Variants in NELL1 observed in about 807,000 individuals in gnomAD.
NELL1 encodes protein kinase C-binding protein NELL1.
NELL1 carries 76 observed loss-of-function variants against 107.4 expected under a neutral mutation model. The ratio of observed to expected loss-of-function variants is 0.71; its 90% CI spans 0.59 to 0.86. NELL1 has a LOEUF of 0.86. NELL1 is among the 40% of genes least tolerant of loss of function. The pLI is 0.00. For synonymous variants in NELL1, 353 were observed against 341.2 expected, an observed-to-expected ratio of 1.03 and a Z score of -0.38; for missense variants, 1,024 against 1,005.5, an observed-to-expected ratio of 1.02 and a Z score of -0.25.
At chr11:21,504,763 A>G (rs1378125023) in intron 15 of NELL1, among the ~76,000 whole-genome samples, 1 of 152,168 alleles carries the variant, frequency 6.6e-6, no homozygotes, top group Non-Finnish European at 1.5e-5. Flanking sequence ...AGCTCGAAGC[A>G]GAGAATTCGA....
At chr11:21,206,225 T>G (rs549315441) in intron 13 of NELL1, among the ~76,000 whole-genome samples, 1 of 152,270 alleles carries the variant, frequency 6.6e-6, no homozygotes, top group South Asian at 2.1e-4. Context: ...CTCTTCCACC[T>G]TCTGGTGGCT....
chr11:21,499,751 G>A (rs1469164693), intron 15 of NELL1, among the ~76,000 whole-genome samples: 1 of 152,076 alleles, frequency 6.6e-6, no homozygotes, highest in Non-Finnish European at 1.5e-5. Context: ...TAGCAAGTGT[G>A]CACAAGGTCA....
At chr11:20,731,079 A>G (rs7104217) in intron 2 of NELL1, among the ~76,000 whole-genome samples, 18,234 of 47,048 alleles carry the variant, frequency 0.39, 1,202 homozygotes, top group Non-Finnish European at 0.53. Context: ...TGTATGAGTC[A>G]GGATTCTATG....
chr11:21,479,629 G>A (rs1015264468), intron 15 of NELL1, among the ~76,000 whole-genome samples: 1 of 152,056 alleles, frequency 6.6e-6, no homozygotes, highest in Non-Finnish European at 1.5e-5. Context: ...TAGCATAAAA[G>A]GGTGACTAAA....
intron 14 of NELL1, among the ~76,000 whole-genome samples, chr11:21,250,071 A>G (rs1005974083): frequency 6.6e-6 from 1 of 152,178 alleles, no homozygotes; most frequent in Non-Finnish European, 1.5e-5. Context: ...TAGTCTTAAA[A>G]TATTTTTTAC....
intron 13 of NELL1, among the ~76,000 whole-genome samples, chr11:21,186,340 T>C (rs1435534015): frequency 1.3e-5 from 2 of 151,824 alleles, no homozygotes; most frequent in South Asian, 4.1e-4. Context: ...GGATGCTGGA[T>C]GGCCAAAAAA....
At chr11:21,373,506 T>C (rs1444890398) in intron 15 of NELL1, among the ~76,000 whole-genome samples, 3 of 152,084 alleles carry the variant, frequency 2.0e-5, no homozygotes, top group Admixed American at 6.6e-5. Context: ...AATCCACTTA[T>C]GTTTAGTCTG....
chr11:21,246,309 G>T (rs1490694736), intron 14 of NELL1, among the ~76,000 whole-genome samples: 1 of 152,144 alleles, frequency 6.6e-6, no homozygotes, highest in Non-Finnish European at 1.5e-5. Flanking sequence ...GAGGTTAGAT[G>T]TCAAGAAAAG....
chr11:21,479,619 T>C (rs1357468954), intron 15 of NELL1, among the ~76,000 whole-genome samples: 1 of 152,140 alleles, frequency 6.6e-6, no homozygotes, highest in Non-Finnish European at 1.5e-5. Context: ...TATAATTTGA[T>C]AGCATAAAAG....
intron 14 of NELL1, among the ~76,000 whole-genome samples, chr11:21,303,485 T>TA (rs1849542019): frequency 6.6e-6 from 1 of 151,996 alleles, no homozygotes; most frequent in African/African-American, 2.4e-5. Flanking sequence ...TGGGTTTCCA[T>TA]CTGACTGTAG....
At chr11:20,926,211 C>T (rs1253739906) in intron 7 of NELL1, among the ~76,000 whole-genome samples, 1 of 152,032 alleles carries the variant, frequency 6.6e-6, no homozygotes, top group Non-Finnish European at 1.5e-5. Context: ...GTGGATGTGA[C>T]AGTAGACAGA....
intron 13 of NELL1, among the ~76,000 whole-genome samples, chr11:21,167,484 G>T (rs1856511005): frequency 1.3e-5 from 2 of 151,758 alleles, no homozygotes; most frequent in African/African-American, 4.9e-5. Context: ...AAATATCAAG[G>T]ATGAAAAATT....
intron 14 of NELL1, among the ~76,000 whole-genome samples, chr11:21,282,877 A>G (rs1849029308): frequency 6.6e-6 from 1 of 152,202 alleles, no homozygotes; most frequent in Non-Finnish European, 1.5e-5. Context: ...TTGCAACAAC[A>G]TGAATAGAAC....
At chr11:20,785,241 T>C (rs553520491) in intron 3 of NELL1, among the ~76,000 whole-genome samples, 5 of 152,322 alleles carry the variant, frequency 3.3e-5, no homozygotes, top group African/African-American at 1.2e-4. Context: ...TTGTCTTTAA[T>C]GGTTGTTTGT....
chr11:20,757,971 C>T (rs1590266817), intron 2 of NELL1, among the ~76,000 whole-genome samples: 1 of 152,166 alleles, frequency 6.6e-6, no homozygotes, highest in African/African-American at 2.4e-5. Flanking sequence ...CTGGTGAGAA[C>T]CTTCCCCCTG....
chr11:21,250,864 G>A (rs1858620033), intron 14 of NELL1, among the ~76,000 whole-genome samples: 1 of 152,150 alleles, frequency 6.6e-6, no homozygotes, highest in Non-Finnish European at 1.5e-5. Context: ...GGTTTGAGGG[G>A]ATCAGTAGCT....
At chr11:20,939,056 T>C (rs1386558605) in intron 10 of NELL1, among the ~76,000 whole-genome samples, 1 of 151,814 alleles carries the variant, frequency 6.6e-6, no homozygotes, top group Non-Finnish European at 1.5e-5. Context: ...CCAGATTAAT[T>C]TGAATAATTG....
At chr11:21,040,127 AT>A (rs1003170202) in intron 12 of NELL1, among the ~76,000 whole-genome samples, 183 of 149,852 alleles carry the variant, frequency 1.2e-3, no homozygotes, top group African/African-American at 4.1e-3. Flanking sequence ...CCCTCATATA[AT>A]TTTTTTTTAC....
chr11:21,025,793 G>A (rs933683277), intron 12 of NELL1, among the ~76,000 whole-genome samples: 1 of 152,082 alleles, frequency 6.6e-6, no homozygotes, highest in Non-Finnish European at 1.5e-5. Flanking sequence ...GAAAATGAAT[G>A]CAAAATTTAA....
Sources: gnomAD v4.1 joint callset for allele counts (sites outside exome capture counted in the v4.1 genomes callset) on GRCh38, gnomAD v4.1.1 for gene constraint, MANE v1.5 for transcripts, NCBI Gene and HGNC (gene_info 2026-07-23, HGNC 2026-07-21) for gene names.